The following IFT172 variants were observed in gnomAD, a reference collection of about 807,000 sequenced individuals.
IFT172 encodes intraflagellar transport protein 172 homolog.
IFT172 carries 164 observed loss-of-function variants against 248.9 expected under a neutral mutation model. That is an observed-to-expected ratio of 0.66 (90% CI 0.58 to 0.75). The LOEUF (loss-of-function observed/expected upper bound fraction) is 0.75. IFT172 is among the 30% of genes least tolerant of loss of function. The pLI is 0.00. For missense variants in IFT172, 1,950 were observed against 2,192.4 expected (o/e 0.89, Z 2.21); for synonymous variants, 729 against 791.6 (o/e 0.92, Z 1.33).
intron 1 of IFT172, among the ~76,000 whole-genome samples, chr2:27,486,503 ATTGT>A: frequency 6.6e-6 from 1 of 152,266 alleles, no homozygotes; most frequent in African/African-American, 2.4e-5. Flanking sequence ...TTCTGCCCCA[ATTGT>A]TTAATTATTT....
At chr2:27,446,600 G>T in intron 42 of IFT172, 1 of 355,154 alleles carries the variant, frequency 2.8e-6, no homozygotes, top group Non-Finnish European at 5.1e-6. Flanking sequence ...TGCAACCTCT[G>T]CCTCCCGGAT....
intron 24 of IFT172, 29 bp downstream of exon 24, chr2:27,459,680 A>T (rs769363651): frequency 6.2e-7 from 1 of 1,610,590 alleles, no homozygotes; most frequent in Non-Finnish European, 8.5e-7. Flanking sequence ...TCACACCTAA[A>T]TCTCCTTTAC....
intron 1 of IFT172, among the ~76,000 whole-genome samples, 197 bp from the exon 2 acceptor site, chr2:27,485,700 T>C (rs889135367): frequency 6.6e-6 from 1 of 152,206 alleles, no homozygotes; most frequent in African/African-American, 2.4e-5. Flanking sequence ...AACAGGCTTC[T>C]AGAGACTCAT....
chr2:27,476,891 C>T (rs773835560), intron 13 of IFT172, 165 bp from the exon 14 acceptor site: 13 of 605,884 alleles, frequency 2.1e-5, no homozygotes, highest in Middle Eastern at 4.2e-4. Flanking sequence ...GGTGTGATCA[C>T]GGCTCACTAC....
At chr2:27,477,032 C>T in intron 13 of IFT172, 185 bp downstream of exon 13, 1 of 646,976 alleles carries the variant, frequency 1.5e-6, no homozygotes, top group Non-Finnish European at 2.7e-6. Flanking sequence ...ACCATGTTGC[C>T]CAGGCTGGTC....
At chr2:27,446,032 TTGAA>T (rs745459521) in intron 43 of IFT172, 44 bp from the exon 44 acceptor site, 1 of 1,609,036 alleles carries the variant, frequency 6.2e-7, no homozygotes, top group East Asian at 2.2e-5. Context: ...CAAGCTGGGT[TTGAA>T]TGCTACTTCT....
intron 30 of IFT172, chr2:27,455,427 T>C (rs570607795): frequency 2.9e-5 from 7 of 242,964 alleles, no homozygotes; most frequent in Non-Finnish European, 3.2e-5. Context: ...TGGCAGAATA[T>C]GCCGGGCGCG....
In IFT172 at chr2:27,477,303, A is replaced by G; in HGVS notation, c.1239T>C (p.Asn413=). Residue 413 remains asparagine, a synonymous_variant, in exon 13 of 48, where the codon AAT becomes AAC. Transcript: ENST00000260570. ...FENENVCMIF[N]AGELTLVEYG... is the part of the protein sequence containing the mutation. ...ATTCCACCAGGGTTAGCTCTCCGGC[A>G]TTGAAGATCATGCATACCTGGGAAA... 2 of 1,614,150 alleles carry G rather than the reference A, an allele frequency of 1.2e-6. No homozygotes were observed. The highest frequency in any genetic ancestry group is 1.7e-6 in the Non-Finnish European group (2 of 1,179,982).
chr2:27,449,827 A>G, intron 36 of IFT172, 27 bp from the exon 37 acceptor site: 1 of 1,553,234 alleles, frequency 6.4e-7, no homozygotes. Context: ...CAGCGTGGAG[A>G]CTTTCTCCTC....
In IFT172 at chr2:27,472,072, T is replaced by G. The variant is rs945748977; in HGVS notation, c.1524+178A>C. ...AAAAAAAGAGGTAATAAAGGATGGG[T>G]TTTGCTATCAGTTTTGGTATCAGCT... On this transcript the variant is annotated intron_variant, in intron 15 of 47. Transcript: ENST00000260570. The G allele has an allele frequency of 4.7e-5, 28 of 594,168 alleles. 1 individual carries two copies. The highest frequency in any genetic ancestry group is 4.5e-4 in the Admixed American group (15 of 33,672). 36.8% of individuals were successfully genotyped at this position (594,168 alleles called of 1,614,324 possible). A position where few individuals can be genotyped will look rare whatever the true frequency, so the allele number is the denominator to read the frequency against.
Position 27,456,651 on chromosome 2 carries a change from C to T in IFT172, c.3231G>A (p.Val1077=), listed in dbSNP as rs1432641283. The change falls in exon 30 of 48, where the codon GTG becomes GTA. Residue 1077 remains valine (V), a splice_region_variant and synonymous_variant. Coordinates refer to ENST00000260570, the MANE Select transcript of IFT172 (RefSeq NM_015662.3). The part of the protein sequence containing the change: ...ASGLWEEAYR[V]ARTQGGANAH... ...CATTAGCCCCTCCTTGAGTTCTGGCCACCTGTAAAGCAAAGTCACTCAATA... is the reference window on the plus strand; with the variant it reads ...CATTAGCCCCTCCTTGAGTTCTGGCTACCTGTAAAGCAAAGTCACTCAATA... The T allele has an allele frequency of 1.2e-6, 2 of 1,613,092 alleles. No individual in the cohort carries two copies. Among genetic ancestry groups the T allele is most frequent in the East Asian group, 4.5e-5 (2 of 44,878 alleles).
intron 13 of IFT172, chr2:27,477,016 G>A (rs1668003964): frequency 1.6e-6 from 1 of 621,338 alleles, no homozygotes; most frequent in Non-Finnish European, 2.9e-6. Context: ...GTAGAGATGG[G>A]GTTTCACCAT....
chr2:27,480,241 T>C, intron 8 of IFT172, 92 bp from the exon 9 acceptor site: 2 of 1,460,424 alleles, frequency 1.4e-6, no homozygotes, highest in South Asian at 2.9e-5. Flanking sequence ...TCTTGCTATA[T>C]CAGAAAAGAA....
intron 14 of IFT172, among the ~76,000 whole-genome samples, chr2:27,474,827 C>T (rs138861607): frequency 2.8e-4 from 43 of 152,014 alleles, no homozygotes; most frequent in Admixed American, 2.2e-3. Context: ...GCTGGGATTA[C>T]AGGCATAAGT....
chr2:27,457,823 G>C lies in IFT172; in HGVS notation c.3111+18C>G. On this transcript the variant is annotated intron_variant, in intron 28 of 47. Coordinates refer to ENST00000260570, the MANE Select transcript of IFT172 (RefSeq NM_015662.3). ...CCTGGTTGGGGAAGAGATAGGGAGA[G>C]CCAGGAGAAGGGCTCACCTTGCCCA... is the stretch of plus-strand genomic sequence containing the variant. 2 of 1,614,144 alleles carry C rather than the reference G, an allele frequency of 1.2e-6. No individual in the cohort carries two copies. Among genetic ancestry groups the C allele is most frequent in the South Asian group, 2.2e-5 (2 of 91,078 alleles).
At chr2:27,446,671 G>A (rs1233003270) in intron 42 of IFT172, among the ~76,000 whole-genome samples, 1 of 142,348 alleles carries the variant, frequency 7.0e-6, no homozygotes, top group Non-Finnish European at 1.5e-5. Flanking sequence ...ACATTACCAT[G>A]CCTGGCTAAT....
intron 35 of IFT172, 21 bp from the exon 36 acceptor site, chr2:27,450,117 T>C (rs1201265567): frequency 1.3e-6 from 2 of 1,568,814 alleles, no homozygotes. Context: ...GAACAGAAGA[T>C]GGAAATGGGT....
Position 27,458,783 on chromosome 2 carries a change from T to A in IFT172, c.2873A>T (p.His958Leu). 1.2e-6 allele frequency: 2 copies of A among 1,614,132 alleles called. No homozygotes were observed. The highest frequency in any genetic ancestry group is 1.7e-6 in the Non-Finnish European group (2 of 1,179,994). ...ATGAACTCCACCCATCCCTACCTTG[T>A]GGGCTTGTTCCCAACGACCAGCCTG... ...YTQAGRWEQA[H>L]KLAMKCMRPE... The change falls in exon 26 of 48, where the codon CAC becomes CTC. Residue 958 changes from histidine to leucine, a missense_variant. Physicochemically the swap from His to Leu is moderately conservative, Grantham distance 99 (BLOSUM62 -3). Coordinates refer to ENST00000260570, the MANE Select transcript of IFT172 (RefSeq NM_015662.3).
intron 17 of IFT172, 21 bp from the exon 18 acceptor site, chr2:27,465,539 A>G (rs752988413): frequency 1.9e-6 from 3 of 1,610,064 alleles, no homozygotes; most frequent in Non-Finnish European, 8.5e-7. Flanking sequence ...AAGGAAGCAA[A>G]GCATAATGAA....
Sources: gnomAD v4.1 joint callset for allele counts (sites outside exome capture counted in the v4.1 genomes callset) on GRCh38, gnomAD v4.1.1 for gene constraint, MANE v1.5 for transcripts, NCBI Gene and HGNC (gene_info 2026-07-23, HGNC 2026-07-21) for gene names.